Variants in PPP1R12B observed in about 807,000 individuals in gnomAD.
PPP1R12B encodes protein phosphatase 1 regulatory subunit 12B.
In PPP1R12B, 76 loss-of-function variants were observed where a neutral mutation model predicts 126.1. The ratio of observed to expected loss-of-function variants is 0.60; its 90% CI spans 0.50 to 0.73. The LOEUF is 0.73. Ranked by LOEUF, PPP1R12B falls within the 30% of genes least tolerant of loss-of-function variation. The pLI is 0.00. For missense variants in PPP1R12B, 1,052 were observed against 1,205.1 expected (o/e 0.87, Z 1.88); for synonymous variants, 356 against 434.7 (o/e 0.82, Z 2.25).
intron 2 of PPP1R12B, among the ~76,000 whole-genome samples, chr1:202,421,917 G>A (rs1157819109): frequency 2.6e-5 from 4 of 152,128 alleles, no homozygotes; most frequent in Admixed American, 6.5e-5. Context: ...TACTTAATAT[G>A]TATGAACCTC....
At position 202,449,186 on chromosome 1, in the gene PPP1R12B, T is replaced by A. The variant is rs1257824527; in HGVS notation, c.1850+15T>A. ...GAGAAGAGGAGGTATGTTGAGTTAC[T>A]GATTTCATTTGTGGGGCTCTGCTTT... is the stretch of plus-strand genomic sequence containing the variant. On this transcript the variant is annotated intron_variant, in intron 13 of 23. Transcript: ENST00000608999. 6.3e-7 allele frequency: 1 copy of A among 1,576,880 alleles called. No individual in the cohort carries two copies. The highest frequency in any genetic ancestry group is 1.9e-5 in the Admixed American group (1 of 53,434).
chr1:202,562,866 C>T lies in PPP1R12B; in HGVS notation c.2596C>T (p.Arg866Cys), dbSNP rs750534932. The T allele has an allele frequency of 3.1e-6, 5 of 1,612,506 alleles. No individual in the cohort carries two copies. The highest frequency in any genetic ancestry group is 2.2e-5 in the East Asian group (1 of 44,864). The change falls in exon 20 of 24, where the codon CGC becomes TGC. Residue 866 changes from arginine (R) to cysteine (C), a missense_variant. By Grantham distance (180) the Arg-to-Cys change is radical (BLOSUM62 -3). Transcript: ENST00000608999. ...AGCCCGTCGGGAGGCCCGGGAGGCC[C>T]GCCTAGCCACCCTGACCAGCCGTGT... ...ARARREAREA[R>C]LATLTSRVEE...
At chr1:202,478,155 G>A (rs1210264758) in intron 13 of PPP1R12B, among the ~76,000 whole-genome samples, 1 of 152,232 alleles carries the variant, frequency 6.6e-6, no homozygotes, top group African/African-American at 2.4e-5. Flanking sequence ...ATAGGGGTCA[G>A]CAATATTTTT....
intron 23 of PPP1R12B, among the ~76,000 whole-genome samples, chr1:202,573,315 A>C (rs1572554732): frequency 6.6e-6 from 1 of 152,062 alleles, no homozygotes; most frequent in African/African-American, 2.4e-5. Flanking sequence ...GCCTACCTTT[A>C]TTCCAAGGTG....
At position 202,389,086 on chromosome 1, in the gene PPP1R12B, C is replaced by T. The variant is rs575330687; in HGVS notation, c.292-27701C>T. 2.0e-3 allele frequency among the ~76,000 whole-genome samples: 308 copies of T among 152,184 alleles called. 1 individual carries two copies. Among genetic ancestry groups the T allele is most frequent in the African/African-American group, 7.0e-3 (292 of 41,514 alleles). On this transcript the variant is annotated intron_variant, in intron 1 of 23. Coordinates refer to ENST00000608999, the MANE Select transcript of PPP1R12B (RefSeq NM_002481.4). ...TACTTGGGGAAAAAAATTATACCCCCTAACTCTCACCATCTGAAAAGTAAG... is the reference window on the plus strand; with the variant it reads ...TACTTGGGGAAAAAAATTATACCCCTTAACTCTCACCATCTGAAAAGTAAG...
Position 202,419,697 on chromosome 1 carries a change from A to G in PPP1R12B, c.422+2780A>G, listed in dbSNP as rs568240327. On this transcript the variant is annotated intron_variant, in intron 2 of 23. Transcript: ENST00000608999. The surrounding 1 kb of genome is among the most constrained non-coding windows in gnomAD (Gnocchi z 4.6). ...TAAGATATTTCATGTAATTCAAGCAATATTTATGGAATACCAAGAGGAAAA... is the reference window on the plus strand; with the variant it reads ...TAAGATATTTCATGTAATTCAAGCAGTATTTATGGAATACCAAGAGGAAAA... Among the ~76,000 whole-genome samples the G allele has an allele frequency of 2.0e-5, 3 of 152,296 alleles. No individual in the cohort carries two copies. Among genetic ancestry groups the G allele is most frequent in the Admixed American group, 6.5e-5 (1 of 15,300 alleles).
intron 13 of PPP1R12B, among the ~76,000 whole-genome samples, chr1:202,476,204 C>CAAA (rs34552523): frequency 1.2e-5 from 1 of 80,152 alleles, no homozygotes; most frequent in African/African-American, 5.0e-5. Context: ...GACTCTGTCT[C>CAAA]AAAAAAAAAA....
At chr1:202,388,223 A>G (rs1190546018) in intron 1 of PPP1R12B, among the ~76,000 whole-genome samples, 6 of 152,022 alleles carry the variant, frequency 3.9e-5, no homozygotes, top group Non-Finnish European at 5.9e-5. Flanking sequence ...TCACTCTGTC[A>G]CCGAGGCTGA....
At chr1:202,445,445 G>T (rs993527017) in intron 12 of PPP1R12B, among the ~76,000 whole-genome samples, 4 of 152,122 alleles carry the variant, frequency 2.6e-5, no homozygotes, top group South Asian at 2.1e-4. Context: ...ATTGTACTTG[G>T]TGTTTGGACA....
At chr1:202,511,534 C>G (rs1199915634) in intron 18 of PPP1R12B, among the ~76,000 whole-genome samples, 1 of 151,842 alleles carries the variant, frequency 6.6e-6, no homozygotes, top group Non-Finnish European at 1.5e-5. Context: ...TCTTTTATCC[C>G]TCATCCCCAT....
At chr1:202,436,593 C>A (rs1464436928) in intron 9 of PPP1R12B, among the ~76,000 whole-genome samples, 1 of 152,162 alleles carries the variant, frequency 6.6e-6, no homozygotes, top group African/African-American at 2.4e-5. Flanking sequence ...GGCTTGTGTT[C>A]CAGAGACTAG....
chr1:202,376,768 G>A (rs1333339053), intron 1 of PPP1R12B, among the ~76,000 whole-genome samples: 2 of 152,052 alleles, frequency 1.3e-5, no homozygotes, highest in Non-Finnish European at 2.9e-5. Flanking sequence ...TTAAATAATA[G>A]GATAGTGCAC....
chr1:202,478,571 ATG>A (rs2148813390), intron 13 of PPP1R12B, among the ~76,000 whole-genome samples: 1 of 152,276 alleles, frequency 6.6e-6, no homozygotes, highest in African/African-American at 2.4e-5. Flanking sequence ...ACAGAATAAT[ATG>A]TGTGATATTC....
rs1027872534 is a variant in PPP1R12B, at chr1:202,417,034, T to C, written c.422+117T>C. On this transcript the variant is annotated intron_variant, in intron 2 of 23. Coordinates refer to ENST00000608999, the MANE Select transcript of PPP1R12B (RefSeq NM_002481.4). The stretch of plus-strand genomic sequence containing the variant: ...GTTATAATCTCTCTTTATTACAGAT[T>C]ACAAAAGCAGAAAGTTGAATTATCT... 3 of 1,219,906 alleles carry C rather than the reference T, an allele frequency of 2.5e-6. No individual in the cohort carries two copies. The African/African-American group carries it at 4.7e-5, about 19-fold the overall frequency. 75.6% of individuals were successfully genotyped at this position (1,219,906 alleles called of 1,614,324 possible). A position where few individuals can be genotyped will look rare whatever the true frequency, so the allele number is the denominator to read the frequency against.
chr1:202,361,766 T>A (rs771331694), intron 1 of PPP1R12B, among the ~76,000 whole-genome samples: 3 of 151,430 alleles, frequency 2.0e-5, no homozygotes, highest in African/African-American at 4.9e-5. Context: ...AAAAAAAAAA[T>A]AGTAACTTGG....
At chr1:202,494,527 C>T (rs543073719) in intron 15 of PPP1R12B, among the ~76,000 whole-genome samples, 9 of 150,988 alleles carry the variant, frequency 6.0e-5, no homozygotes, top group African/African-American at 2.2e-4. Context: ...TCTGAGTCTT[C>T]CATAAACCAA....
chr1:202,575,248 T>G (rs917858502), intron 23 of PPP1R12B: 14 of 1,391,744 alleles, frequency 1.0e-5, no homozygotes, highest in Non-Finnish European at 1.2e-5. Flanking sequence ...AGCCTCCATA[T>G]GCAGGTTCCT....
intron 18 of PPP1R12B, among the ~76,000 whole-genome samples, chr1:202,549,279 T>C (rs1335621486): frequency 6.6e-6 from 1 of 152,206 alleles, no homozygotes; most frequent in Admixed American, 6.5e-5. Flanking sequence ...TTCAAGCTGA[T>C]GTATCCACTA....
intron 12 of PPP1R12B, among the ~76,000 whole-genome samples, chr1:202,442,792 T>A (rs1233472104): frequency 6.6e-6 from 1 of 152,198 alleles, no homozygotes; most frequent in Non-Finnish European, 1.5e-5. Context: ...CAGATCTGGC[T>A]TTATACTTTA....
Sources: allele counts gnomAD v4.1 joint callset (sites outside exome capture counted in the v4.1 genomes callset), GRCh38; gene constraint gnomAD v4.1.1; non-coding constraint Gnocchi (gnomAD v3.1); transcripts MANE v1.5; gene names NCBI Gene and HGNC (gene_info 2026-07-23, HGNC 2026-07-21).